The following KCNIP4 variants were observed in gnomAD, a reference collection of about 807,000 sequenced individuals.
KCNIP4 encodes potassium voltage-gated channel interacting protein 4.
KCNIP4 carries 12 observed loss-of-function variants against 34.0 expected under a neutral mutation model. The observed-to-expected ratio is 0.35, with a 90% CI of 0.23 to 0.57. The LOEUF is 0.57. Among genes scored for constraint, KCNIP4 ranks in the 20% least tolerant of loss-of-function variants. KCNIP4 has a pLI of 0.83. For missense variants in KCNIP4, 238 were observed against 311.7 expected (o/e 0.76, Z 1.78); for synonymous variants, 124 against 102.2 (o/e 1.21, Z -1.29).
intron 1 of KCNIP4, among the ~76,000 whole-genome samples, chr4:21,838,811 T>C (rs116152749): frequency 0.02 from 3,111 of 152,300 alleles, 114 homozygotes; most frequent in African/African-American, 0.07. Context: ...CTTACTGGAC[T>C]ACAAAATTTT....
intron 1 of KCNIP4, among the ~76,000 whole-genome samples, chr4:21,057,608 G>A (rs1743536835): frequency 6.6e-6 from 1 of 152,124 alleles, no homozygotes; most frequent in South Asian, 2.1e-4. Flanking sequence ...GTCTCCATTT[G>A]AAACAGACTT....
At chr4:20,821,073 C>T (rs565293495) in intron 3 of KCNIP4, among the ~76,000 whole-genome samples, 1 of 152,292 alleles carries the variant, frequency 6.6e-6, no homozygotes, top group Admixed American at 6.5e-5. Flanking sequence ...AGGGTAATGC[C>T]TGATAGAGCT....
At chr4:21,789,768 C>T (rs1433385900) in intron 1 of KCNIP4, among the ~76,000 whole-genome samples, 3 of 152,144 alleles carry the variant, frequency 2.0e-5, no homozygotes, top group African/African-American at 7.2e-5. Flanking sequence ...TGTGCTTGCT[C>T]TTACAAAGAA....
chr4:21,343,826 T>C (rs372892081), intron 1 of KCNIP4, among the ~76,000 whole-genome samples: 1 of 152,118 alleles, frequency 6.6e-6, no homozygotes, highest in Admixed American at 6.6e-5. Flanking sequence ...TCAGAGCCCT[T>C]CCTATGTGCC....
chr4:20,867,380 C>T (rs1447740326), intron 2 of KCNIP4, among the ~76,000 whole-genome samples: 1 of 151,912 alleles, frequency 6.6e-6, no homozygotes, highest in Non-Finnish European at 1.5e-5. Flanking sequence ...ACACGCCTAC[C>T]ACCGTCTGAT....
intron 1 of KCNIP4, among the ~76,000 whole-genome samples, chr4:21,214,608 T>C (rs1204065848): frequency 6.6e-6 from 1 of 152,240 alleles, no homozygotes; most frequent in Non-Finnish European, 1.5e-5. Flanking sequence ...CCCTGTATCT[T>C]AAAGCTGGGA....
intron 1 of KCNIP4, among the ~76,000 whole-genome samples, chr4:21,193,654 C>T (rs976263625): frequency 2.0e-5 from 3 of 147,816 alleles, no homozygotes; most frequent in African/African-American, 7.5e-5. Flanking sequence ...TCACTGCAAG[C>T]TCCGCCTCCT....
At chr4:21,757,289 GAA>G (rs1717728656) in intron 1 of KCNIP4, among the ~76,000 whole-genome samples, 1 of 145,684 alleles carries the variant, frequency 6.9e-6, no homozygotes, top group Non-Finnish European at 1.5e-5. Flanking sequence ...AAAGAAAAGA[GAA>G]AAGAAAAGAA....
chr4:21,290,371 T>C (rs1025886258), intron 1 of KCNIP4, among the ~76,000 whole-genome samples: 3 of 152,200 alleles, frequency 2.0e-5, no homozygotes, highest in African/African-American at 7.2e-5. Context: ...GTATGTTTCA[T>C]ATTGATATTC....
chr4:20,852,190 C>G (rs1037789762), intron 2 of KCNIP4, among the ~76,000 whole-genome samples: 5 of 152,244 alleles, frequency 3.3e-5, no homozygotes, highest in African/African-American at 1.2e-4. Flanking sequence ...ACACTACAGA[C>G]TGATATCCTT....
intron 1 of KCNIP4, among the ~76,000 whole-genome samples, chr4:21,003,323 A>G (rs981436803): frequency 6.6e-6 from 1 of 152,142 alleles, no homozygotes; most frequent in African/African-American, 2.4e-5. Flanking sequence ...AAACAACACA[A>G]TCCATAAGGT....
intron 4 of KCNIP4, among the ~76,000 whole-genome samples, chr4:20,753,301 G>GA (rs1413827868): frequency 2.0e-5 from 3 of 152,012 alleles, no homozygotes; most frequent in Admixed American, 6.5e-5. Flanking sequence ...TACTAGAGTA[G>GA]AAAAAACCCC....
chr4:20,729,836 T>TTGAATATTCACAGAGTATGAAATGAG lies in KCNIP4; in HGVS notation c.*220_*245dup. 2.6e-6 allele frequency: 1 copy of TTGAATATTCACAGAGTATGAAATGAG among 377,896 alleles called. No homozygotes were observed. Among genetic ancestry groups the TTGAATATTCACAGAGTATGAAATGAG allele is most frequent in the Non-Finnish European group, 4.7e-6 (1 of 212,448 alleles). The allele number at this position is 377,896 out of a possible 1,614,324, so 23.4% of individuals were successfully genotyped here. On this transcript the variant is annotated 3_prime_UTR_variant, in exon 9 of 9. Transcript: ENST00000382152. ...AACTATATGCCAGATTCTATTACTT[T>TTGAATATTCACAGAGTATGAAATGAG]TGAATATTCACAGAGTATGAAATGA...
At chr4:21,220,791 A>G (rs953778164) in intron 1 of KCNIP4, among the ~76,000 whole-genome samples, 2 of 152,188 alleles carry the variant, frequency 1.3e-5, no homozygotes, top group African/African-American at 4.8e-5. Context: ...CTAAAAGTTT[A>G]GAAATGTCTT....
At chr4:21,409,282 A>C (rs1205756529) in intron 1 of KCNIP4, among the ~76,000 whole-genome samples, 2 of 151,784 alleles carry the variant, frequency 1.3e-5, no homozygotes, top group African/African-American at 4.8e-5. Context: ...AATTAAAAAA[A>C]AAAAACTTCT....
intron 1 of KCNIP4, among the ~76,000 whole-genome samples, chr4:21,523,041 A>G (rs991677188): frequency 6.6e-6 from 1 of 151,978 alleles, no homozygotes; most frequent in Non-Finnish European, 1.5e-5. Flanking sequence ...TATTAAAAAA[A>G]AAGGGGGGGA....
At chr4:21,874,393 C>T (rs1229313156) in intron 1 of KCNIP4, among the ~76,000 whole-genome samples, 1 of 152,190 alleles carries the variant, frequency 6.6e-6, no homozygotes, top group Non-Finnish European at 1.5e-5. Context: ...GTCCAAACTG[C>T]TTTACCTGGG....
chr4:21,415,978 G>T (rs189618023), intron 1 of KCNIP4, among the ~76,000 whole-genome samples: 2 of 152,112 alleles, frequency 1.3e-5, no homozygotes, highest in Non-Finnish European at 2.9e-5. Context: ...TTTTAATCAC[G>T]GTAAAATGAG....
chr4:21,370,012 A>T lies in KCNIP4; in HGVS notation c.62-487303T>A, dbSNP rs564178619. On this transcript the variant is annotated intron_variant, in intron 1 of 8. Transcript: ENST00000382152. ...CTGGCTAATTTTTTGTATTTTTATT[A>T]GAGACGGGGTTTCACCGTGTTAGCC... Among the ~76,000 whole-genome samples, 3 of 146,680 alleles carry T rather than the reference A, an allele frequency of 2.0e-5. 1 individual carries two copies. The highest frequency in any genetic ancestry group is 8.2e-5 in the African/African-American group (3 of 36,482).
Sources: allele counts gnomAD v4.1 joint callset (sites outside exome capture counted in the v4.1 genomes callset), GRCh38; gene constraint gnomAD v4.1.1; transcripts MANE v1.5; gene names NCBI Gene and HGNC (gene_info 2026-07-23, HGNC 2026-07-21).